TERF2IP: variants seen among roughly 807,000 people sequenced by gnomAD.
TERF2IP encodes the protein TERF2 interacting protein, also known as telomeric repeat-binding factor 2-interacting protein 1.
TERF2IP carries 35 observed loss-of-function variants against 33.3 expected under a neutral mutation model. The observed-to-expected ratio is 1.05, with a 90% CI of 0.80 to 1.39. The LOEUF (loss-of-function observed/expected upper bound fraction) is 1.39. Ranked by LOEUF, TERF2IP falls within the 40% of genes most tolerant of loss-of-function variation. TERF2IP has a pLI of 0.00. For missense variants in TERF2IP, 583 were observed against 524.8 expected (o/e 1.11, Z -1.08); for synonymous variants, 253 against 223.2 (o/e 1.13, Z -1.19).
chr16:75,654,429 T>C (rs1290552728), intron 2 of TERF2IP, 32 bp downstream of exon 2: 5 of 1,602,188 alleles, frequency 3.1e-6, no homozygotes, highest in African/African-American at 1.3e-5. Flanking sequence ...ATTATTTTTT[T>C]CCCTACCTTC....
At position 75,648,353 on chromosome 16, in the gene TERF2IP, C is replaced by A. The variant is rs776483713; in HGVS notation, c.471C>A (p.Ser157=). The stretch of plus-strand genomic sequence containing the variant: ...AGGAAAATGCCCGCTCGCCCAGCTC[C>A]GTCACCGGTAACGCCTTGTGGAAAG... ...YVKENARSPS[S]VTGNALWKAM... Residue 157 remains serine, a synonymous_variant, in exon 1 of 3, where the codon TCC becomes TCA. Coordinates refer to ENST00000300086, the MANE Select transcript of TERF2IP (RefSeq NM_018975.4). 3.1e-5 allele frequency: 50 copies of A among 1,597,088 alleles called. 1 individual carries two copies. The highest frequency in any genetic ancestry group is 3.9e-5 in the Non-Finnish European group (46 of 1,172,402).
intron 2 of TERF2IP, among the ~76,000 whole-genome samples, chr16:75,655,979 TCACA>T (rs954058604): frequency 2.6e-5 from 4 of 151,950 alleles, no homozygotes; most frequent in South Asian, 2.1e-4. Flanking sequence ...CCCCTACCCC[TCACA>T]CACACGTGCA....
intron 1 of TERF2IP, among the ~76,000 whole-genome samples, chr16:75,648,965 G>A (rs1567508676): frequency 6.6e-6 from 1 of 152,004 alleles, no homozygotes; most frequent in Non-Finnish European, 1.5e-5. Flanking sequence ...GGGCTCAAGC[G>A]AATCTCCGGC....
rs747026590 is a variant in TERF2IP, at chr16:75,656,305, GGAAGAA to G, written c.907_912del (p.Glu303_Glu304del). ...ACTCAGAAACACAGCCTGATGAGGAGGAAGAAGAAGAAGAAGAAAAAGTTTCTCAAC... is the reference window on the plus strand; with the variant it reads ...ACTCAGAAACACAGCCTGATGAGGAGGAAGAAGAAGAAAAAGTTTCTCAAC... On this transcript the variant is annotated inframe_deletion, in exon 3 of 3. Coordinates refer to ENST00000300086, the MANE Select transcript of TERF2IP (RefSeq NM_018975.4). 6 of 1,613,884 alleles carry G rather than the reference GGAAGAA, an allele frequency of 3.7e-6. No homozygotes were observed. The Admixed American group carries it at 5.0e-5, about 13-fold the overall frequency.
At position 75,648,170 on chromosome 16, in the gene TERF2IP, G is replaced by T; in HGVS notation, c.288G>T (p.Leu96=). Residue 96 remains leucine (L), a synonymous_variant, in exon 1 of 3, where the codon CTG becomes CTT. Coordinates refer to ENST00000300086, the MANE Select transcript of TERF2IP (RefSeq NM_018975.4). ...TGGAGCGCAACGAGAGGCTGGAGCT[G>T]GAGGCCTATCGGCTGGGCCCCGCCT... ...DCVERNERLE[L]EAYRLGPASA... is the part of the protein sequence containing the mutation. 1 of 1,565,406 alleles carries T rather than the reference G, an allele frequency of 6.4e-7. No individual in the cohort carries two copies. The highest frequency in any genetic ancestry group is 2.3e-5 in the East Asian group (1 of 43,452).
chr16:75,654,004 T>G (rs1293995554), intron 1 of TERF2IP, among the ~76,000 whole-genome samples: 1 of 152,160 alleles, frequency 6.6e-6, no homozygotes, highest in Non-Finnish European at 1.5e-5. Flanking sequence ...TGAATTAAAC[T>G]TGAGCATTTT....
chr16:75,650,033 A>C (rs978007336), intron 1 of TERF2IP, among the ~76,000 whole-genome samples: 1 of 152,154 alleles, frequency 6.6e-6, no homozygotes, highest in Non-Finnish European at 1.5e-5. Flanking sequence ...CCTGTTCAGT[A>C]TGCTTAGTAG....
At chr16:75,652,226 C>G (rs928918488) in intron 1 of TERF2IP, among the ~76,000 whole-genome samples, 1 of 152,130 alleles carries the variant, frequency 6.6e-6, no homozygotes, top group African/African-American at 2.4e-5. Flanking sequence ...GTTGCATGTC[C>G]CCTTTGCTCA....
In TERF2IP at chr16:75,654,279, A is replaced by C; in HGVS notation, c.677A>C (p.Gln226Pro). The change falls in exon 2 of 3, where the codon CAG (glutamine) becomes CCG (proline). Residue 226 changes from glutamine (Q) to proline (P), a missense_variant. Transcript: ENST00000300086. Reference sequence around the variant, plus strand: ...CTGTTCTTCTCTTTAACAGAACCACAGAATAAGAGAACTCCAGATTTGCCT... The same window carrying C: ...CTGTTCTTCTCTTTAACAGAACCACCGAATAAGAGAACTCCAGATTTGCCT... ...DPEAADSGEP[Q>P]NKRTPDLPEE... is the part of the protein sequence containing the mutation. 1 of 1,613,072 alleles carries C rather than the reference A, an allele frequency of 6.2e-7. No homozygotes were observed. Among genetic ancestry groups the C allele is most frequent in the Non-Finnish European group, 8.5e-7 (1 of 1,179,402 alleles).
Position 75,651,863 on chromosome 16 carries a change from C to A in TERF2IP, c.671-2410C>A, listed in dbSNP as rs892536418. Reference sequence around the variant, plus strand: ...TTATACAAAATAGAACAAAAGCTCCCCAAGTTATTTATTTTTTTTAACTAA... The same window carrying A: ...TTATACAAAATAGAACAAAAGCTCCACAAGTTATTTATTTTTTTTAACTAA... On this transcript the variant is annotated intron_variant, in intron 1 of 2. Coordinates refer to ENST00000300086, the MANE Select transcript of TERF2IP (RefSeq NM_018975.4). Among the ~76,000 whole-genome samples the A allele has an allele frequency of 3.3e-5, 5 of 151,490 alleles. No homozygotes were observed. The East Asian group carries it at 9.6e-4, about 29-fold the overall frequency.
chr16:75,656,724 C>A lies in TERF2IP; in HGVS notation c.*113C>A. 2.0e-6 allele frequency: 2 copies of A among 1,005,208 alleles called. No homozygotes were observed. Among genetic ancestry groups the A allele is most frequent in the Non-Finnish European group, 2.9e-6 (2 of 689,516 alleles). 62.3% of individuals were successfully genotyped at this position (1,005,208 alleles called of 1,614,324 possible). A position where few individuals can be genotyped will look rare whatever the true frequency, so the allele number is the denominator to read the frequency against. On this transcript the variant is annotated 3_prime_UTR_variant, in exon 3 of 3. Transcript: ENST00000300086. ...ATTGGAACTGGCACTTATTTTCTGACCATCGCTGCTGTTGCTCTGTGAGTC... is the reference window on the plus strand; with the variant it reads ...ATTGGAACTGGCACTTATTTTCTGAACATCGCTGCTGTTGCTCTGTGAGTC...
intron 1 of TERF2IP, 160 bp downstream of exon 1, chr16:75,648,712 G>A: frequency 1.4e-6 from 2 of 1,431,280 alleles, no homozygotes; most frequent in Non-Finnish European, 1.8e-6. Context: ...TTGCCTTCTC[G>A]CTCCCTTGTT....
chr16:75,649,259 C>T (rs1304858754), intron 1 of TERF2IP, among the ~76,000 whole-genome samples: 2 of 152,188 alleles, frequency 1.3e-5, no homozygotes, highest in African/African-American at 4.8e-5. Context: ...AAAATTCTCT[C>T]TTGGCCGGGC....
At position 75,654,016 on chromosome 16, in the gene TERF2IP, A is replaced by G. The variant is rs553477889; in HGVS notation, c.671-257A>G. On this transcript the variant is annotated intron_variant, in intron 1 of 2. Coordinates refer to ENST00000300086, the MANE Select transcript of TERF2IP (RefSeq NM_018975.4). The stretch of plus-strand genomic sequence containing the variant: ...AAATGAATTAAACTTGAGCATTTTT[A>G]TATGTCAGAGTTTAAGAATGTATCA... Among the ~76,000 whole-genome samples the G allele has an allele frequency of 3.3e-5, 5 of 152,306 alleles. No individual in the cohort carries two copies. In the East Asian group the frequency reaches 7.7e-4, roughly 24 times the overall value.
intron 2 of TERF2IP, 65 bp downstream of exon 2, chr16:75,654,462 CCTGTA>C: frequency 6.6e-7 from 1 of 1,526,344 alleles, no homozygotes; most frequent in Non-Finnish European, 8.9e-7. Flanking sequence ...AACTGGTTAT[CCTGTA>C]CACCTTTTTC....
At chr16:75,650,969 A>T (rs1332471801) in intron 1 of TERF2IP, among the ~76,000 whole-genome samples, 1 of 152,214 alleles carries the variant, frequency 6.6e-6, no homozygotes. Context: ...TGTAAAAATT[A>T]AAAAATTCTA....
chr16:75,648,490 G>T lies in TERF2IP; in HGVS notation c.608G>T (p.Ser203Ile). 1.3e-6 allele frequency: 2 copies of T among 1,589,528 alleles called. No individual in the cohort carries two copies. The highest frequency in any genetic ancestry group is 1.7e-6 in the Non-Finnish European group (2 of 1,168,274). ...TACCTGCTGGGGGACGCGCCGGTGA[G>T]CCCCTCCTCCCAGAAGCTCAAGCGG... ...HKYLLGDAPVSPSSQKLKRKA... is the reference protein window; with the variant it reads ...HKYLLGDAPVIPSSQKLKRKA... Residue 203 changes from serine (S) to isoleucine (I), a missense_variant, in exon 1 of 3, where the codon AGC (serine) becomes ATC (isoleucine). Ser to Ile is a moderately radical substitution (Grantham distance 142). Coordinates refer to ENST00000300086, the MANE Select transcript of TERF2IP (RefSeq NM_018975.4).
chr16:75,650,148 C>T lies in TERF2IP; in HGVS notation c.670+1596C>T, dbSNP rs574448708. Reference sequence around the variant, plus strand: ...GGAATATAACAATAAATAAAAGTCCCTGTGGTCCTGGAGCTTATAACATGC... The same window carrying T: ...GGAATATAACAATAAATAAAAGTCCTTGTGGTCCTGGAGCTTATAACATGC... On this transcript the variant is annotated intron_variant, in intron 1 of 2. Transcript: ENST00000300086. 7.9e-5 allele frequency among the ~76,000 whole-genome samples: 12 copies of T among 152,314 alleles called. No homozygotes were observed. In the South Asian group the frequency reaches 2.5e-3, roughly 32 times the overall value.
At chr16:75,649,328 G>C (rs1433058026) in intron 1 of TERF2IP, among the ~76,000 whole-genome samples, 4 of 152,314 alleles carry the variant, frequency 2.6e-5, no homozygotes, top group Non-Finnish European at 5.9e-5. Context: ...CGGATCACCT[G>C]AGGTAAGGAG....
Sources: gnomAD v4.1 joint callset for allele counts (sites outside exome capture counted in the v4.1 genomes callset) on GRCh38, gnomAD v4.1.1 for gene constraint, MANE v1.5 for transcripts, NCBI Gene and HGNC (gene_info 2026-07-23, HGNC 2026-07-21) for gene names.